Variants in ANKMY1 observed in about 807,000 individuals in gnomAD.
The protein encoded by ANKMY1 is ankyrin repeat and MYND domain-containing protein 1.
In ANKMY1, 98 loss-of-function variants were observed where a neutral mutation model predicts 102.0. The ratio of observed to expected loss-of-function variants is 0.96; its 90% CI spans 0.82 to 1.14. ANKMY1 has a LOEUF of 1.14. Ranked by LOEUF, ANKMY1 falls within the 50% of genes most tolerant of loss-of-function variation. The probability of loss-of-function intolerance (pLI) is 0.00; values close to 1 mark genes in which losing one functional copy is unlikely to be tolerated. For missense variants in ANKMY1, 1,330 were observed against 1,347.6 expected (o/e 0.99, Z 0.20); for synonymous variants, 582 against 559.9 (o/e 1.04, Z -0.56).
intron 6 of ANKMY1, 168 bp from the exon 7 acceptor site, chr2:240,526,017 G>A: frequency 2.0e-6 from 2 of 1,006,968 alleles, no homozygotes; most frequent in Non-Finnish European, 1.5e-6. Context: ...GAATGGAACA[G>A]GCACTCTGCC....
At chr2:240,547,424 T>G (rs1473619405) in intron 4 of ANKMY1, among the ~76,000 whole-genome samples, 1 of 149,150 alleles carries the variant, frequency 6.7e-6, no homozygotes, top group Non-Finnish European at 1.5e-5. Flanking sequence ...AGATCCAAAA[T>G]TGACACCCTA....
intron 4 of ANKMY1, among the ~76,000 whole-genome samples, chr2:240,545,516 CTT>C (rs1173381988): frequency 6.6e-6 from 1 of 152,206 alleles, no homozygotes; most frequent in Non-Finnish European, 1.5e-5. Flanking sequence ...CGGAGAATGA[CTT>C]TGACGAGCTG....
intron 4 of ANKMY1, among the ~76,000 whole-genome samples, chr2:240,549,113 T>A (rs1430885614): frequency 1.3e-5 from 2 of 151,632 alleles, no homozygotes; most frequent in African/African-American, 4.9e-5. Flanking sequence ...GACTTCAAAC[T>A]ATACTACAAG....
At chr2:240,496,369 TAGATAGATA>T (rs960150642) in intron 15 of ANKMY1, among the ~76,000 whole-genome samples, 1 of 121,304 alleles carries the variant, frequency 8.2e-6, no homozygotes, top group African/African-American at 3.0e-5. Context: ...GATAGATAGA[TAGATAGATA>T]GATAGATAGA....
chr2:240,504,641 T>C (rs936657328), intron 13 of ANKMY1, among the ~76,000 whole-genome samples: 2 of 151,732 alleles, frequency 1.3e-5, no homozygotes, highest in African/African-American at 2.4e-5. Context: ...AAATAAGATA[T>C]AGAAATGGCC....
At chr2:240,489,150 T>C (rs887468241) in intron 15 of ANKMY1, among the ~76,000 whole-genome samples, 2 of 152,176 alleles carry the variant, frequency 1.3e-5, no homozygotes, top group African/African-American at 4.8e-5. Context: ...CTTCTGTGCC[T>C]TGTTTCTTAA....
At position 240,509,343 on chromosome 2, in the gene ANKMY1, C is replaced by T. The variant is rs2079686172; in HGVS notation, c.2394+5G>A. On this transcript the variant is annotated splice_donor_5th_base_variant and intron_variant, in intron 12 of 17. Transcript: ENST00000401804. ...CACAGGTCTGTGGGTACAGAACATG[C>T]TCACCAGCTCATTCCCACTGGCAAT... is the stretch of plus-strand genomic sequence containing the variant. 1 of 1,609,776 alleles carries T rather than the reference C, an allele frequency of 6.2e-7. No homozygotes were observed. Among genetic ancestry groups the T allele is most frequent in the Non-Finnish European group, 8.5e-7 (1 of 1,176,918 alleles).
chr2:240,546,881 A>G (rs1468006597), intron 4 of ANKMY1, among the ~76,000 whole-genome samples: 1 of 152,184 alleles, frequency 6.6e-6, no homozygotes, highest in African/African-American at 2.4e-5. Context: ...GTGACCTACA[A>G]AGAGACTTAG....
At chr2:240,559,782 T>G (rs768300590), upstream of ANKMY1, among the ~76,000 whole-genome samples, 9 of 152,168 alleles carry the variant, frequency 5.9e-5, no homozygotes, top group Non-Finnish European at 1.2e-4. Context: ...GCAATAAAGA[T>G]CTGACAGTTA....
chr2:240,545,985 A>G (rs1401220674), intron 4 of ANKMY1, among the ~76,000 whole-genome samples: 5 of 152,130 alleles, frequency 3.3e-5, no homozygotes, highest in Non-Finnish European at 7.4e-5. Context: ...GCAGGCCAAC[A>G]TTCAGATTCA....
chr2:240,520,487 C>T lies in ANKMY1; in HGVS notation c.1879G>A (p.Ala627Thr), dbSNP rs1040510878. ...GGCACGCAGCACAGGTTGGGGTCCG[C>T]GCCCCGGCGCAGCAGCAGCTTGATG... ...RTIKLLLRRGADPNLCCVPMQ... is the reference protein window; with the variant it reads ...RTIKLLLRRGTDPNLCCVPMQ... Residue 627 changes from alanine to threonine, a missense_variant, in exon 9 of 18, where the codon GCG (alanine) becomes ACG (threonine). Transcript: ENST00000401804. The surrounding 1 kb of genome is among the most constrained non-coding windows in gnomAD (Gnocchi z 4.8). The T allele has an allele frequency of 1.2e-6, 2 of 1,613,200 alleles. No individual in the cohort carries two copies. Among genetic ancestry groups the T allele is most frequent in the African/African-American group, 2.7e-5 (2 of 74,936 alleles).
At chr2:240,495,392 C>A (rs559229745) in intron 15 of ANKMY1, among the ~76,000 whole-genome samples, 3 of 152,210 alleles carry the variant, frequency 2.0e-5, no homozygotes, top group African/African-American at 7.2e-5. Flanking sequence ...TCAGTGGTCA[C>A]GCTCCTGGTC....
chr2:240,518,036 G>T (rs932348715), intron 9 of ANKMY1, among the ~76,000 whole-genome samples: 36 of 152,168 alleles, frequency 2.4e-4, no homozygotes, highest in Admixed American at 2.4e-3. Flanking sequence ...CCCCTCCTCA[G>T]CATGAAGCAG....
chr2:240,560,761 T>G (rs766100450), upstream of ANKMY1: 1 of 1,486,614 alleles, frequency 6.7e-7, no homozygotes, highest in East Asian at 2.9e-5. Flanking sequence ...GCGCCCTCAC[T>G]CTTCCTCGGG....
At chr2:240,521,641 G>A (rs1308064035) in intron 8 of ANKMY1, among the ~76,000 whole-genome samples, 1 of 151,936 alleles carries the variant, frequency 6.6e-6, no homozygotes, top group Non-Finnish European at 1.5e-5. Context: ...CGGGACTACA[G>A]GCACCCGCCA....
chr2:240,535,113 G>A (rs1035559311), intron 4 of ANKMY1, among the ~76,000 whole-genome samples: 2 of 152,214 alleles, frequency 1.3e-5, no homozygotes, highest in African/African-American at 4.8e-5. Context: ...AAATGTGAGT[G>A]ACCATGGCCC....
intron 4 of ANKMY1, among the ~76,000 whole-genome samples, chr2:240,540,892 G>A (rs957010717): frequency 2.0e-5 from 3 of 152,192 alleles, no homozygotes; most frequent in Admixed American, 6.5e-5. Context: ...TTGGCTGGAG[G>A]TGAGAGTCTC....
At chr2:240,508,098 C>G (rs2079422835) in intron 12 of ANKMY1, among the ~76,000 whole-genome samples, 1 of 152,268 alleles carries the variant, frequency 6.6e-6, no homozygotes, top group Non-Finnish European at 1.5e-5. Flanking sequence ...CCCAGGCTAT[C>G]TGCCTCTGCA....
chr2:240,469,510 C>G, the ANKMY1 span, among the ~76,000 whole-genome samples: 1 of 152,236 alleles, frequency 6.6e-6, no homozygotes, highest in African/African-American at 2.4e-5. Flanking sequence ...AGAGCAGCCC[C>G]TCAGTCAGCC....
Sources: gnomAD v4.1 joint callset for allele counts (sites outside exome capture counted in the v4.1 genomes callset) on GRCh38, gnomAD v4.1.1 for gene constraint, Gnocchi (gnomAD v3.1) non-coding constraint, MANE v1.5 for transcripts, NCBI Gene and HGNC (gene_info 2026-07-23, HGNC 2026-07-21) for gene names.